CNTN6: variants seen among roughly 807,000 people sequenced by gnomAD.
CNTN6 encodes the protein contactin-6.
Under a neutral mutation model 122.8 loss-of-function variants are expected in CNTN6, and 137 were observed. That is an observed-to-expected ratio of 1.12 (90% CI 0.97 to 1.29). The LOEUF is 1.29. Among genes scored for constraint, CNTN6 ranks in the 50% most tolerant of loss-of-function variants. The pLI is 0.00. For synonymous variants in CNTN6, 570 were observed against 426.0 expected, an observed-to-expected ratio of 1.34 and a Z score of -4.16; for missense variants, 1,634 against 1,223.4, an observed-to-expected ratio of 1.34 and a Z score of -5.01.
At chr3:1,322,362 G>A (rs1226118178) in intron 8 of CNTN6, among the ~76,000 whole-genome samples, 1 of 151,624 alleles carries the variant, frequency 6.6e-6, no homozygotes, top group Non-Finnish European at 1.5e-5. Context: ...GTAAACTTAA[G>A]AGAGACGATG....
intron 20 of CNTN6, among the ~76,000 whole-genome samples, chr3:1,388,785 A>G (rs1156893940): frequency 6.7e-6 from 1 of 149,952 alleles, no homozygotes; most frequent in African/African-American, 2.5e-5. Context: ...TCAGGAGCCG[A>G]TGTGATCAAC....
chr3:1,245,707 A>G (rs1483452658), intron 4 of CNTN6, among the ~76,000 whole-genome samples: 1 of 152,060 alleles, frequency 6.6e-6, no homozygotes, highest in Admixed American at 6.6e-5. Flanking sequence ...ATATAAATAA[A>G]TAAATAACAT....
chr3:1,271,236 C>T (rs1397266841), intron 4 of CNTN6, among the ~76,000 whole-genome samples: 1 of 152,096 alleles, frequency 6.6e-6, no homozygotes, highest in African/African-American at 2.4e-5. Flanking sequence ...TGTTTGAACC[C>T]ATACAGATCA....
chr3:1,307,666 GTCTTC>G (rs1698577742), intron 7 of CNTN6, among the ~76,000 whole-genome samples: 2 of 152,020 alleles, frequency 1.3e-5, no homozygotes, highest in African/African-American at 4.8e-5. Flanking sequence ...TGTCTCATTA[GTCTTC>G]TCTTGTCTGT....
rs1709177595 is a variant in CNTN6 at position 1,372,436 on chromosome 3, T to C, written c.1630T>C (p.Leu544=). The part of the protein sequence containing the change: ...VWFFNGDVID[L]KKGVAHFERI... ...GTTTTTCAATGGAGATGTCATAGAC[T>C]TAAAAAAAGGAGTGGCTCATTTTGA... The change falls in exon 13 of 23, where the codon TTA becomes CTA. Residue 544 remains leucine, a synonymous_variant. Coordinates refer to ENST00000446702, the MANE Select transcript of CNTN6 (RefSeq NM_001289080.2). The C allele has an allele frequency of 6.2e-7, 1 of 1,611,468 alleles. No homozygotes were observed. Among genetic ancestry groups the C allele is most frequent in the African/African-American group, 1.3e-5 (1 of 74,866 alleles).
At chr3:1,301,024 C>CTTTTTTTTTTTTTTTTT (rs562912841) in intron 7 of CNTN6, among the ~76,000 whole-genome samples, 2 of 93,274 alleles carry the variant, frequency 2.1e-5, no homozygotes, top group African/African-American at 4.3e-5. Context: ...AGTCCCTAAA[C>CTTTTTTTTTTTTTTTTT]TTTTTTTTTT....
At chr3:1,140,523 T>C (rs1000783655) in intron 1 of CNTN6, among the ~76,000 whole-genome samples, 1 of 152,208 alleles carries the variant, frequency 6.6e-6, no homozygotes, top group Admixed American at 6.5e-5. Context: ...GAAAGCTGAC[T>C]TCTATTATCT....
intron 2 of CNTN6, among the ~76,000 whole-genome samples, chr3:1,157,031 T>C (rs2092987306): frequency 6.6e-6 from 1 of 151,428 alleles, no homozygotes; most frequent in South Asian, 2.1e-4. Flanking sequence ...TTTTTTTTAT[T>C]TTTAATTTTA....
At chr3:1,201,083 G>A (rs1339902909) in intron 2 of CNTN6, among the ~76,000 whole-genome samples, 3 of 148,832 alleles carry the variant, frequency 2.0e-5, no homozygotes, top group Non-Finnish European at 4.4e-5. Context: ...AGGCACCACT[G>A]TGCCCAGCTA....
intron 9 of CNTN6, among the ~76,000 whole-genome samples, chr3:1,326,252 T>G (rs1701525552): frequency 6.6e-6 from 1 of 151,864 alleles, no homozygotes; most frequent in African/African-American, 2.4e-5. Context: ...GGATAACACT[T>G]ACTGAACTCT....
chr3:1,118,855 C>T (rs2091833650), intron 1 of CNTN6, among the ~76,000 whole-genome samples: 1 of 151,220 alleles, frequency 6.6e-6, no homozygotes, highest in African/African-American at 2.5e-5. Context: ...TCCAATACCT[C>T]TTAAAAAAAA....
At chr3:1,366,504 A>G (rs1708241219) in intron 12 of CNTN6, among the ~76,000 whole-genome samples, 1 of 152,170 alleles carries the variant, frequency 6.6e-6, no homozygotes, top group African/African-American at 2.4e-5. Context: ...CAGATGCTTG[A>G]GTTTCTTAAG....
At chr3:1,311,747 T>C (rs1699357471) in intron 7 of CNTN6, among the ~76,000 whole-genome samples, 1 of 151,720 alleles carries the variant, frequency 6.6e-6, no homozygotes, top group South Asian at 2.1e-4. Flanking sequence ...TTTATTCTAC[T>C]TTTAACATAA....
At chr3:1,358,134 G>A (rs1706881322) in intron 12 of CNTN6, among the ~76,000 whole-genome samples, 2 of 151,710 alleles carry the variant, frequency 1.3e-5, no homozygotes, top group African/African-American at 4.8e-5. Context: ...CATTCATACA[G>A]TATAAACCAC....
chr3:1,098,785 C>CAT lies in CNTN6; in HGVS notation c.-83+5666_-83+5667insTA, dbSNP rs1279985142. 7.3e-3 allele frequency among the ~76,000 whole-genome samples: 361 copies of CAT among 49,328 alleles called. 1 individual carries two copies. Among genetic ancestry groups the CAT allele is most frequent in the African/African-American group, 0.03 (109 of 3,688 alleles). 32.4% of individuals were successfully genotyped at this position (49,328 alleles called of 152,430 possible). A position where few individuals can be genotyped will look rare whatever the true frequency, so the allele number is the denominator to read the frequency against. ...ACACACACACACACACACACACACA[C>CAT]ACACATATATATATATATATATATA... On this transcript the variant is annotated intron_variant, in intron 1 of 22. Transcript: ENST00000446702.
At chr3:1,291,823 C>A (rs897711406) in intron 5 of CNTN6, among the ~76,000 whole-genome samples, 2 of 152,086 alleles carry the variant, frequency 1.3e-5, no homozygotes, top group Non-Finnish European at 2.9e-5. Context: ...TGATGAAAGA[C>A]TCCAATAGAG....
chr3:1,244,793 G>A lies in CNTN6; in HGVS notation c.358+16800G>A, dbSNP rs973015162. Among the ~76,000 whole-genome samples, 77 of 151,936 alleles carry A rather than the reference G, an allele frequency of 5.1e-4. 1 individual carries two copies. The highest frequency in any genetic ancestry group is 3.3e-4 in the Admixed American group (5 of 15,240). On this transcript the variant is annotated intron_variant, in intron 4 of 22. Coordinates refer to ENST00000446702, the MANE Select transcript of CNTN6 (RefSeq NM_001289080.2). ...AGGTGATGGAAAATTACAGTCAAAGGGGGTTGTTCTCTGGTGGGCAGGGGT... is the reference window on the plus strand; with the variant it reads ...AGGTGATGGAAAATTACAGTCAAAGAGGGTTGTTCTCTGGTGGGCAGGGGT...
intron 17 of CNTN6, 132 bp from the exon 18 acceptor site, chr3:1,382,810 T>TAATA (rs1692111982): frequency 1.6e-6 from 1 of 630,084 alleles, no homozygotes; most frequent in South Asian, 2.3e-5. Context: ...AAGTGTTTTT[T>TAATA]AATACATCAT....
intron 2 of CNTN6, among the ~76,000 whole-genome samples, chr3:1,162,596 A>C (rs1171264431): frequency 6.6e-6 from 1 of 152,224 alleles, no homozygotes; most frequent in African/African-American, 2.4e-5. Flanking sequence ...GATATATCTA[A>C]GTTCATGGCC....
Sources: gnomAD v4.1 joint callset for allele counts (sites outside exome capture counted in the v4.1 genomes callset) on GRCh38, gnomAD v4.1.1 for gene constraint, MANE v1.5 for transcripts, NCBI Gene and HGNC (gene_info 2026-07-23, HGNC 2026-07-21) for gene names.